FBXO16: variants seen among roughly 807,000 people sequenced by gnomAD.
FBXO16 encodes the protein F-box protein 16, also known as F-box only protein 16.
FBXO16 carries 31 observed loss-of-function variants against 41.0 expected under a neutral mutation model. The ratio of observed to expected loss-of-function variants is 0.76; its 90% CI spans 0.57 to 1.02. The LOEUF is 1.02. FBXO16 is among the 50% of genes least tolerant of loss of function. The pLI, the probability that FBXO16 is intolerant of heterozygous loss-of-function variation, is 0.00. For missense variants in FBXO16, 361 were observed against 346.2 expected, an observed-to-expected ratio of 1.04 and a Z score of -0.34; for synonymous variants, 133 against 117.8, an observed-to-expected ratio of 1.13 and a Z score of -0.84.
chr8:28,428,745 G>A lies in FBXO16; in HGVS notation c.870-9C>T, dbSNP rs1247625186. ...CTGGCACTTAGGGACATCTAGAAAGGAAAAAGGAATCATGAAAGCGAGGGT... is the reference window on the plus strand; with the variant it reads ...CTGGCACTTAGGGACATCTAGAAAGAAAAAAGGAATCATGAAAGCGAGGGT... On this transcript the variant is annotated splice_polypyrimidine_tract_variant and intron_variant, in intron 8 of 8. Coordinates refer to ENST00000380254, the MANE Select transcript of FBXO16 (RefSeq NM_172366.4). The A allele has an allele frequency of 6.6e-7, 1 of 1,515,480 alleles. No homozygotes were observed. The highest frequency in any genetic ancestry group is 8.8e-7 in the Non-Finnish European group (1 of 1,136,602). The allele number at this position is 1,515,480 out of a possible 1,614,324, so 93.9% of individuals were successfully genotyped here.
rs556289386 is a variant in FBXO16 at position 28,469,918 on chromosome 8, A to AATG, written c.135+3853_135+3854insCAT. ...TCCGTCTCAAAATAATAATAATAAT[A>AATG]ATAGGCCGGGCGCGGTGGGCTCACG... On this transcript the variant is annotated intron_variant, in intron 3 of 8. Coordinates refer to ENST00000380254, the MANE Select transcript of FBXO16 (RefSeq NM_172366.4). Among the ~76,000 whole-genome samples the AATG allele has an allele frequency of 4.1e-4, 57 of 139,876 alleles. No individual in the cohort carries two copies. In the East Asian group the frequency reaches 0.011, roughly 26 times the overall value. The allele number at this position is 139,876 out of a possible 152,430, so 91.8% of individuals were successfully genotyped here.
At chr8:28,488,315 T>C (rs1442886065) in intron 1 of FBXO16, among the ~76,000 whole-genome samples, 4 of 146,752 alleles carry the variant, frequency 2.7e-5, no homozygotes, top group Non-Finnish European at 4.5e-5. Flanking sequence ...TTTTTTTTTT[T>C]TGACAAGGTC....
chr8:28,430,035 A>G (rs1441238949), intron 7 of FBXO16, among the ~76,000 whole-genome samples: 3 of 152,130 alleles, frequency 2.0e-5, no homozygotes, highest in South Asian at 2.1e-4. Context: ...TTGTCCCCCA[A>G]TGAGGCTGCA....
chr8:28,441,910 ATGTGTGTG>A (rs1175392833), intron 7 of FBXO16, among the ~76,000 whole-genome samples: 5 of 107,892 alleles, frequency 4.6e-5, no homozygotes, highest in African/African-American at 9.1e-5. Flanking sequence ...GTATATATAT[ATGTGTGTG>A]TGTGTGTGTG....
intron 7 of FBXO16, among the ~76,000 whole-genome samples, chr8:28,432,432 C>T (rs949722840): frequency 6.6e-6 from 1 of 151,862 alleles, no homozygotes; most frequent in South Asian, 2.1e-4. Flanking sequence ...CAAGATTGCA[C>T]CACTGCACTC....
At chr8:28,435,404 C>T (rs1002396614) in intron 7 of FBXO16, among the ~76,000 whole-genome samples, 2 of 152,082 alleles carry the variant, frequency 1.3e-5, no homozygotes, top group African/African-American at 4.8e-5. Flanking sequence ...GAACTCCTGA[C>T]CTCAGGTGAT....
At chr8:28,444,144 A>G (rs977507758) in intron 7 of FBXO16, among the ~76,000 whole-genome samples, 2 of 151,840 alleles carry the variant, frequency 1.3e-5, no homozygotes, top group African/African-American at 4.8e-5. Context: ...TGAATACATG[A>G]TTTTCTGCAC....
intron 3 of FBXO16, among the ~76,000 whole-genome samples, chr8:28,473,541 G>A (rs1368925836): frequency 2.6e-5 from 4 of 152,138 alleles, no homozygotes; most frequent in Admixed American, 6.5e-5. Context: ...GGAGGTGGCT[G>A]TCTATGAAGA....
At chr8:28,462,948 C>A (rs78543835) in intron 4 of FBXO16, among the ~76,000 whole-genome samples, 3 of 152,280 alleles carry the variant, frequency 2.0e-5, no homozygotes, top group Non-Finnish European at 4.4e-5. Context: ...AGTATAAGAC[C>A]GTCCTGCTGA....
intron 4 of FBXO16, among the ~76,000 whole-genome samples, chr8:28,460,245 A>ATATTTTTTTTTT (rs1477457728): frequency 1.2e-5 from 1 of 85,442 alleles, no homozygotes; most frequent in African/African-American, 6.3e-5. Flanking sequence ...ATATATATAT[A>ATATTTTTTTTTT]TTTTTTTTTT....
chr8:28,452,555 C>G, intron 5 of FBXO16, 79 bp from the exon 6 acceptor site: 1 of 1,381,910 alleles, frequency 7.2e-7, no homozygotes, highest in Non-Finnish European at 1.0e-6. Context: ...AATCCCAGCA[C>G]TTTGGGAGGC....
chr8:28,463,338 G>A (rs1803173072), intron 4 of FBXO16, among the ~76,000 whole-genome samples: 1 of 151,482 alleles, frequency 6.6e-6, no homozygotes, highest in African/African-American at 2.4e-5. Context: ...GTGTGTTTGT[G>A]TGTATATTTG....
intron 1 of FBXO16, among the ~76,000 whole-genome samples, chr8:28,486,673 C>A (rs996534999): frequency 1.1e-4 from 16 of 151,542 alleles, no homozygotes; most frequent in African/African-American, 3.4e-4. Flanking sequence ...GTAAAAAAAC[C>A]AAAAAATTAG....
At chr8:28,466,546 C>T (rs1209299001) in intron 3 of FBXO16, among the ~76,000 whole-genome samples, 1 of 151,632 alleles carries the variant, frequency 6.6e-6, no homozygotes, top group Non-Finnish European at 1.5e-5. Context: ...AATCCCAGCA[C>T]TTTGGGAGGC....
At chr8:28,454,553 C>T (rs1803006618) in intron 5 of FBXO16, among the ~76,000 whole-genome samples, 1 of 150,750 alleles carries the variant, frequency 6.6e-6, no homozygotes, top group Admixed American at 6.6e-5. Context: ...ATGGTGAAAC[C>T]CCATCTCTAC....
intron 2 of FBXO16, among the ~76,000 whole-genome samples, chr8:28,474,316 C>CAAAAAAAAAAAAAAAAAAAAAAA: frequency 1.8e-5 from 1 of 56,676 alleles, no homozygotes; most frequent in Non-Finnish European, 3.4e-5. Context: ...CAGACCCTGT[C>CAAAAAAAAAAAAAAAAAAAAAAA]AAAAAAAAAA....
intron 7 of FBXO16, among the ~76,000 whole-genome samples, chr8:28,431,486 G>A (rs1802605366): frequency 6.6e-6 from 1 of 152,180 alleles, no homozygotes; most frequent in South Asian, 2.1e-4. Context: ...TGACTATCTG[G>A]CTGAAATAAC....
intron 3 of FBXO16, among the ~76,000 whole-genome samples, chr8:28,471,232 G>A (rs1024412920): frequency 5.9e-5 from 9 of 151,960 alleles, no homozygotes; most frequent in Non-Finnish European, 1.2e-4. Context: ...AAATACTTCC[G>A]GACTGTCTAT....
intron 3 of FBXO16, among the ~76,000 whole-genome samples, chr8:28,464,242 G>A (rs756019027): frequency 1.3e-5 from 2 of 152,210 alleles, no homozygotes; most frequent in Non-Finnish European, 2.9e-5. Context: ...TGGAGATAAA[G>A]TATTACAAGC....
Sources: allele counts gnomAD v4.1 joint callset (sites outside exome capture counted in the v4.1 genomes callset), GRCh38; gene constraint gnomAD v4.1.1; transcripts MANE v1.5; gene names NCBI Gene and HGNC (gene_info 2026-07-23, HGNC 2026-07-21).